MRPS25: variants seen among roughly 807,000 people sequenced by gnomAD.
The protein encoded by MRPS25 is small ribosomal subunit protein mS25.
MRPS25 carries 15 observed loss-of-function variants against 17.3 expected under a neutral mutation model. That is an observed-to-expected ratio of 0.87 (90% confidence interval 0.58 to 1.34). MRPS25 has a LOEUF of 1.34. MRPS25 is among the 40% of genes most tolerant of loss of function. MRPS25 has a pLI of 0.00. For synonymous variants in MRPS25, 94 were observed against 83.3 expected (o/e 1.13, Z -0.70); for missense variants, 225 against 218.6 (o/e 1.03, Z -0.19).
At chr3:15,047,876 T>C (rs1464738536), downstream of MRPS25, 2 of 152,230 alleles carry the variant, frequency 1.3e-5, no homozygotes, top group East Asian at 3.8e-4. Flanking sequence ...AGAATTGCAT[T>C]TTAATATGGA....
At chr3:15,064,630 C>A (rs375786107) in intron 1 of MRPS25, among the ~76,000 whole-genome samples, 361 of 152,338 alleles carry the variant, frequency 2.4e-3, no homozygotes, top group African/African-American at 8.0e-3. Flanking sequence ...CAGAACTGTG[C>A]GAGATATGAT....
At chr3:15,060,515 CAAAAAA>C (rs35071871) in intron 1 of MRPS25, among the ~76,000 whole-genome samples, 1 of 81,110 alleles carries the variant, frequency 1.2e-5, no homozygotes, top group Non-Finnish European at 2.3e-5. Flanking sequence ...GGTCCTCTCT[CAAAAAA>C]AAAAAAAAAA....
Position 15,051,314 on chromosome 3 carries a change from G to C in MRPS25, c.*1127C>G, listed in dbSNP as rs546313026. 1.0e-5 allele frequency: 6 copies of C among 582,006 alleles called. No homozygotes were observed. The African/African-American group carries it at 1.2e-4, about 12-fold the overall frequency. The allele number at this position is 582,006 out of a possible 1,614,324, so 36.1% of individuals were successfully genotyped here. On this transcript the variant is annotated 3_prime_UTR_variant, in exon 4 of 4. Transcript: ENST00000253686. ...TCCTCCCACCTCAGCTTCCCAAATAGCTGGGACTACAGACGCGAAACACCA... is the reference window on the plus strand; with the variant it reads ...TCCTCCCACCTCAGCTTCCCAAATACCTGGGACTACAGACGCGAAACACCA...
intron 1 of MRPS25, among the ~76,000 whole-genome samples, chr3:15,060,880 C>CAAAA (rs1266392474): frequency 2.2e-5 from 3 of 136,984 alleles, no homozygotes; most frequent in Non-Finnish European, 4.9e-5. Context: ...GACTCCATCT[C>CAAAA]AAAAAATAAA....
chr3:15,065,252 G>A lies in MRPS25; in HGVS notation c.-58C>T, dbSNP rs970072260. 19 of 1,515,994 alleles carry A rather than the reference G, an allele frequency of 1.3e-5. No homozygotes were observed. In the Admixed American group the frequency reaches 1.4e-4, roughly 11 times the overall value. 93.9% of individuals were successfully genotyped at this position (1,515,994 alleles called of 1,614,324 possible). A position where few individuals can be genotyped will look rare whatever the true frequency, so the allele number is the denominator to read the frequency against. ...CCGCGAGCCGAGCAGCGACGAGAAA[G>A]GACTAGCTAGCACCCGCGCGGATCT... On this transcript the variant is annotated 5_prime_UTR_variant, in exon 1 of 4. Transcript: ENST00000253686.
At chr3:15,057,933 G>C (rs1390698498) in intron 2 of MRPS25, among the ~76,000 whole-genome samples, 2 of 152,198 alleles carry the variant, frequency 1.3e-5, no homozygotes, top group Non-Finnish European at 2.9e-5. Flanking sequence ...TGCCCAGGCT[G>C]GCGTGCAGTG....
chr3:15,047,681 C>T (rs1051561163), downstream of MRPS25: 1 of 152,182 alleles, frequency 6.6e-6, no homozygotes, highest in African/African-American at 2.4e-5. Context: ...AATAGTAATT[C>T]CCATCTTTCT....
In MRPS25 at chr3:15,065,232, A is replaced by G. The variant is rs2042838419; in HGVS notation, c.-38T>C. 6 of 1,554,744 alleles carry G rather than the reference A, an allele frequency of 3.9e-6. No individual in the cohort carries two copies. The highest frequency in any genetic ancestry group is 5.2e-6 in the Non-Finnish European group (6 of 1,151,866). On this transcript the variant is annotated 5_prime_UTR_variant, in exon 1 of 4. Transcript: ENST00000253686. ...GGCGGGGCCGACCCCACGGGCCGCGAGCCGAGCAGCGACGAGAAAGGACTA... is the reference window on the plus strand; with the variant it reads ...GGCGGGGCCGACCCCACGGGCCGCGGGCCGAGCAGCGACGAGAAAGGACTA...
intron 1 of MRPS25, among the ~76,000 whole-genome samples, chr3:15,062,470 A>C: frequency 7.1e-6 from 1 of 140,242 alleles, no homozygotes; most frequent in Non-Finnish European, 1.6e-5. Flanking sequence ...CTGCCCGGCC[A>C]GCCGCCCCGT....
rs780982722 is a variant in MRPS25, at chr3:15,050,516, G to C, written c.*1925C>G. 8 of 985,670 alleles carry C rather than the reference G, an allele frequency of 8.1e-6. No homozygotes were observed. Among genetic ancestry groups the C allele is most frequent in the Non-Finnish European group, 9.6e-6 (8 of 830,180 alleles). 61.1% of individuals were successfully genotyped at this position (985,670 alleles called of 1,614,324 possible). On this transcript the variant is annotated 3_prime_UTR_variant, in exon 4 of 4. Coordinates refer to ENST00000253686, the MANE Select transcript of MRPS25 (RefSeq NM_022497.5). Reference sequence around the variant, plus strand: ...GCAGATGAAAGCCAAAAGGAACTAGGTGCTTTCTGAAGAGCCCTTGCAGCC... The same window carrying C: ...GCAGATGAAAGCCAAAAGGAACTAGCTGCTTTCTGAAGAGCCCTTGCAGCC...
chr3:15,050,934 T>A lies in MRPS25; in HGVS notation c.*1507A>T, dbSNP rs187045283. On this transcript the variant is annotated 3_prime_UTR_variant, in exon 4 of 4. Transcript: ENST00000253686. The stretch of plus-strand genomic sequence containing the variant: ...ATCATTTCACCAGCCAGCTACTTCA[T>A]GTGGCAGAAAAGGTAACCTTTTCCC... 4.3e-4 allele frequency: 428 copies of A among 985,444 alleles called. No individual in the cohort carries two copies. The highest frequency in any genetic ancestry group is 1.3e-3 in the Admixed American group (21 of 16,280). 61.0% of individuals were successfully genotyped at this position (985,444 alleles called of 1,614,324 possible).
downstream of MRPS25, chr3:15,048,204 C>T (rs1456416479): frequency 6.6e-6 from 1 of 152,638 alleles, no homozygotes; most frequent in Non-Finnish European, 1.5e-5. Flanking sequence ...TTCAGCTTCC[C>T]TGTTTTTGAT....
downstream of MRPS25, chr3:15,046,828 C>G (rs747596065): frequency 3.3e-5 from 5 of 152,780 alleles, no homozygotes; most frequent in Non-Finnish European, 4.4e-5. Flanking sequence ...TTCCTTTATC[C>G]AGCTTCCATT....
In MRPS25 at chr3:15,051,972, A is replaced by G; in HGVS notation, c.*469T>C. On this transcript the variant is annotated 3_prime_UTR_variant, in exon 4 of 4. Transcript: ENST00000253686. ...GGATTTCTGAAAAATACCCCCAAGG[A>G]ACTGAACGGAGGGGTGTACACACTG... 6 of 987,028 alleles carry G rather than the reference A, an allele frequency of 6.1e-6. No homozygotes were observed. Among genetic ancestry groups the G allele is most frequent in the Non-Finnish European group, 7.2e-6 (6 of 831,134 alleles). The allele number at this position is 987,028 out of a possible 1,614,324, so 61.1% of individuals were successfully genotyped here.
In MRPS25 at chr3:15,055,901, G is replaced by GT. The variant is rs35247740; in HGVS notation, c.242-2435dup. On this transcript the variant is annotated intron_variant, in intron 2 of 3. Coordinates refer to ENST00000253686, the MANE Select transcript of MRPS25 (RefSeq NM_022497.5). ...AAAGAACTCGACAAGAAAGCAGCCC[G>GT]TTTTTTTTTTTTTTTAATGGAAAAG... 6.3e-3 allele frequency among the ~76,000 whole-genome samples: 903 copies of GT among 142,482 alleles called. 5 individuals are homozygous for GT. Among genetic ancestry groups the GT allele is most frequent in the South Asian group, 8.5e-3 (37 of 4,378 alleles). The allele number at this position is 142,482 out of a possible 152,430, so 93.5% of individuals were successfully genotyped here.
At chr3:15,047,221 G>A (rs982332936), downstream of MRPS25, 4 of 152,530 alleles carry the variant, frequency 2.6e-5, no homozygotes, top group Non-Finnish European at 4.4e-5. Context: ...TCCCTCGGCA[G>A]GGAAGATTTG....
At chr3:15,056,391 T>TC (rs888927279) in intron 2 of MRPS25, among the ~76,000 whole-genome samples, 1 of 152,186 alleles carries the variant, frequency 6.6e-6, no homozygotes, top group African/African-American at 2.4e-5. Flanking sequence ...CCCAGAGATG[T>TC]CCACATCCTA....
chr3:15,060,515 C>CAAAAA lies in MRPS25; in HGVS notation c.135-1045_135-1041dup, dbSNP rs35071871. ...TAGGCGACAGAGCAAGGTCCTCTCT[C>CAAAAA]AAAAAAAAAAAAAAAAAAAGAAAAG... On this transcript the variant is annotated intron_variant, in intron 1 of 3. Transcript: ENST00000253686. 3.5e-3 allele frequency among the ~76,000 whole-genome samples: 286 copies of CAAAAA among 81,092 alleles called. 2 individuals are homozygous for CAAAAA. Among genetic ancestry groups the CAAAAA allele is most frequent in the African/African-American group, 0.014 (267 of 18,750 alleles). 53.2% of individuals were successfully genotyped at this position (81,092 alleles called of 152,430 possible).
Position 15,053,448 on chromosome 3 carries a change from C to T in MRPS25, c.261G>A (p.Leu87=). Residue 87 remains leucine, a synonymous_variant, in exon 3 of 4, where the codon CTG becomes CTA. Transcript: ENST00000253686. The part of the protein sequence containing the change: ...RFYLDSGEQV[L]VDVETKSNKE... ...TATTGCTCTTGGTCTCCACATCCAC[C>T]AGGACCTGCTCCCCAGAATCTGGAA... is the stretch of plus-strand genomic sequence containing the variant. 1 of 1,614,176 alleles carries T rather than the reference C, an allele frequency of 6.2e-7. No homozygotes were observed. Among genetic ancestry groups the T allele is most frequent in the Non-Finnish European group, 8.5e-7 (1 of 1,180,032 alleles).
Sources: gnomAD v4.1 joint callset for allele counts (sites outside exome capture counted in the v4.1 genomes callset) on GRCh38, gnomAD v4.1.1 for gene constraint, MANE v1.5 for transcripts, NCBI Gene and HGNC (gene_info 2026-07-23, HGNC 2026-07-21) for gene names.